Variants in JAK1 observed in about 807,000 individuals in gnomAD.
JAK1 encodes tyrosine-protein kinase JAK1.
Under a neutral mutation model 136.6 loss-of-function variants are expected in JAK1, and 16 were observed. The ratio of observed to expected loss-of-function variants is 0.12; its 90% CI spans 0.08 to 0.18. The LOEUF (loss-of-function observed/expected upper bound fraction) is 0.18, where lower values mean the gene tolerates loss of function less well. Among genes scored for constraint, JAK1 ranks in the 10% least tolerant of loss-of-function variants. The pLI, the probability that JAK1 is intolerant of heterozygous loss-of-function variation, is 1.00. For synonymous variants in JAK1, 492 were observed against 519.5 expected (o/e 0.95, Z 0.72); for missense variants, 859 against 1,450.1 (o/e 0.59, Z 6.62).
intron 1 of JAK1, among the ~76,000 whole-genome samples, chr1:65,046,740 G>A (rs1647186444): frequency 6.6e-6 from 1 of 151,854 alleles, no homozygotes; most frequent in African/African-American, 2.4e-5. Flanking sequence ...AGTAGAGATG[G>A]AGTTTCACCA....
chr1:64,882,139 T>C (rs1035384737), intron 3 of JAK1, among the ~76,000 whole-genome samples: 15 of 152,176 alleles, frequency 9.9e-5, no homozygotes, highest in African/African-American at 3.6e-4. Context: ...TCAGGTTTAG[T>C]CAGTAAGAGC....
At chr1:65,041,484 G>C (rs1024908460) in intron 2 of JAK1, among the ~76,000 whole-genome samples, 2 of 151,750 alleles carry the variant, frequency 1.3e-5, no homozygotes, top group African/African-American at 4.9e-5. Flanking sequence ...GATATGCCTA[G>C]CGACCCACCT....
chr1:64,952,363 C>T (rs1218191151), intron 1 of JAK1, among the ~76,000 whole-genome samples: 1 of 152,152 alleles, frequency 6.6e-6, no homozygotes, highest in Non-Finnish European at 1.5e-5. Context: ...TAAACATCAA[C>T]CATTCTAAGG....
At chr1:65,019,840 C>T (rs892366161) in intron 2 of JAK1, among the ~76,000 whole-genome samples, 3 of 151,796 alleles carry the variant, frequency 2.0e-5, no homozygotes, top group Admixed American at 6.6e-5. Flanking sequence ...TGCTTGAACC[C>T]GGGAGGCAGA....
chr1:65,059,516 T>C (rs576121624), intron 1 of JAK1, among the ~76,000 whole-genome samples: 8 of 152,330 alleles, frequency 5.3e-5, no homozygotes, highest in African/African-American at 1.9e-4. Flanking sequence ...TCTATACCTA[T>C]GGTGATACTG....
chr1:64,889,836 C>T (rs1252285734), intron 1 of JAK1, among the ~76,000 whole-genome samples: 1 of 152,196 alleles, frequency 6.6e-6, no homozygotes, highest in African/African-American at 2.4e-5. Context: ...TTTTAATGTT[C>T]ATAAATATGA....
Position 64,846,064 on chromosome 1 carries a change from C to T in JAK1, c.1988-424G>A, listed in dbSNP as rs79837610. On this transcript the variant is annotated intron_variant, in intron 14 of 24. Coordinates refer to ENST00000342505, the MANE Select transcript of JAK1 (RefSeq NM_002227.4). The stretch of plus-strand genomic sequence containing the variant: ...TCAACAGGACTCCTGTGTGAGTACA[C>T]GGAACAGCTCACATTGTTGGATTCC... Among the ~76,000 whole-genome samples, 311 of 152,260 alleles carry T rather than the reference C, an allele frequency of 2.0e-3. 4 individuals are homozygous for T. The East Asian group carries it at 0.047, about 23-fold the overall frequency.
intron 9 of JAK1, among the ~76,000 whole-genome samples, 180 bp from the exon 10 acceptor site, chr1:64,857,959 G>C (rs1254924293): frequency 6.6e-6 from 1 of 152,172 alleles, no homozygotes; most frequent in Non-Finnish European, 1.5e-5. Flanking sequence ...ATACCGAGTG[G>C]CCTCAGGACC....
At chr1:65,031,969 T>C (rs1647027636) in intron 2 of JAK1, among the ~76,000 whole-genome samples, 1 of 151,306 alleles carries the variant, frequency 6.6e-6, no homozygotes, top group Non-Finnish European at 1.5e-5. Context: ...TTCTTTTTTT[T>C]TTTTTTTTTC....
intron 1 of JAK1, among the ~76,000 whole-genome samples, chr1:64,925,286 T>A (rs1349563880): frequency 1.3e-5 from 2 of 150,708 alleles, no homozygotes; most frequent in East Asian, 3.9e-4. Flanking sequence ...CGCACACCTG[T>A]AATGCCAGCT....
intron 1 of JAK1, among the ~76,000 whole-genome samples, chr1:64,935,143 G>C (rs1402793246): frequency 2.6e-5 from 4 of 152,142 alleles, no homozygotes; most frequent in African/African-American, 9.7e-5. Context: ...GGATGACCCT[G>C]CCAAACAAAT....
chr1:65,053,928 C>T (rs574799920), intron 1 of JAK1, among the ~76,000 whole-genome samples: 10 of 152,244 alleles, frequency 6.6e-5, no homozygotes, highest in African/African-American at 2.4e-4. Context: ...TTGAAATTAG[C>T]GTGGCAGGCA....
At chr1:64,911,261 G>A (rs1002634190) in intron 1 of JAK1, among the ~76,000 whole-genome samples, 2 of 152,166 alleles carry the variant, frequency 1.3e-5, no homozygotes, top group African/African-American at 4.8e-5. Context: ...GTAAACAATA[G>A]ATGGGTGTTA....
In JAK1 at chr1:65,014,799, C is replaced by T. The variant is rs544581745; in HGVS notation, c.-78+29681G>A. Among the ~76,000 whole-genome samples the T allele has an allele frequency of 6.6e-5, 10 of 152,130 alleles. No individual in the cohort carries two copies. In the South Asian group the frequency reaches 2.1e-3, roughly 32 times the overall value. ...TCCCGGGTTCACGCCATTCTCCCGCCTCAGCCTCCCGAATAGCTGGGACTA... is the reference window on the plus strand; with the variant it reads ...TCCCGGGTTCACGCCATTCTCCCGCTTCAGCCTCCCGAATAGCTGGGACTA... On this transcript the variant is annotated intron_variant, in intron 2 of 25. Coordinates refer to the JAK1 transcript ENST00000671954.
intron 2 of JAK1, among the ~76,000 whole-genome samples, chr1:64,988,236 A>T (rs942578110): frequency 6.6e-6 from 1 of 152,176 alleles, no homozygotes; most frequent in Admixed American, 6.5e-5. Context: ...TTTACTGCAC[A>T]CTACTGATTT....
At chr1:64,924,527 C>G (rs1383006533) in intron 1 of JAK1, among the ~76,000 whole-genome samples, 2 of 152,224 alleles carry the variant, frequency 1.3e-5, no homozygotes, top group African/African-American at 4.8e-5. Context: ...ACTGCCCCAG[C>G]TGTGCTCTGC....
chr1:64,982,109 C>A (rs530454918), intron 2 of JAK1, among the ~76,000 whole-genome samples: 23,424 of 151,746 alleles, frequency 0.15, 2,359 homozygotes, highest in African/African-American at 0.27. Flanking sequence ...CACGCACACA[C>A]ACACGCACAC....
In JAK1 at chr1:64,883,233, T is replaced by C. The variant is rs776467310; in HGVS notation, c.205+44A>G. ...GAGACCCCCAGATCTTCTGAACTAG[T>C]GTGTTGGTGAAACCCCCAGCCCTGG... is the stretch of plus-strand genomic sequence containing the variant. On this transcript the variant is annotated intron_variant, in intron 3 of 24. Transcript: ENST00000342505. 1.3e-5 allele frequency: 19 copies of C among 1,504,842 alleles called. No homozygotes were observed. The South Asian group carries it at 1.9e-4, about 15-fold the overall frequency. The allele number at this position is 1,504,842 out of a possible 1,614,324, so 93.2% of individuals were successfully genotyped here. A position where few individuals can be genotyped will look rare whatever the true frequency, so the allele number is the denominator to read the frequency against.
intron 2 of JAK1, among the ~76,000 whole-genome samples, chr1:64,975,845 G>A (rs563145795): frequency 5.3e-5 from 8 of 152,252 alleles, no homozygotes; most frequent in African/African-American, 1.7e-4. Flanking sequence ...ACTTCCTCGG[G>A]CTGATGAGGA....
Sources: allele counts gnomAD v4.1 joint callset (sites outside exome capture counted in the v4.1 genomes callset), GRCh38; gene constraint gnomAD v4.1.1; transcripts MANE v1.5; gene names NCBI Gene and HGNC (gene_info 2026-07-23, HGNC 2026-07-21).